OSBPL9: variants seen among roughly 807,000 people sequenced by gnomAD.
OSBPL9 encodes oxysterol binding protein like 9.
In OSBPL9, 40 loss-of-function variants were observed where a neutral mutation model predicts 106.6. That is an observed-to-expected ratio of 0.38 (90% confidence interval 0.29 to 0.49). The LOEUF is 0.49. Ranked by LOEUF, OSBPL9 falls within the 20% of genes least tolerant of loss-of-function variation. The probability of loss-of-function intolerance (pLI) is 0.97; values close to 1 mark genes in which losing one functional copy is unlikely to be tolerated. For synonymous variants in OSBPL9, 269 were observed against 295.4 expected, an observed-to-expected ratio of 0.91 and a Z score of 0.92; for missense variants, 609 against 887.2, an observed-to-expected ratio of 0.69 and a Z score of 3.98.
intron 15 of OSBPL9, among the ~76,000 whole-genome samples, chr1:51,780,366 G>A (rs545616114): frequency 6.6e-6 from 1 of 152,110 alleles, no homozygotes; most frequent in African/African-American, 2.4e-5. Flanking sequence ...CCCACTCCTG[G>A]GTATTTACTC....
At chr1:51,784,049 A>G (rs372338428) in intron 18 of OSBPL9, 24 bp downstream of exon 18, 21 of 1,558,762 alleles carry the variant, frequency 1.3e-5, no homozygotes, top group Non-Finnish European at 1.9e-5. Context: ...CATTGGGTGG[A>G]CTACAATGTT....
Position 51,785,843 on chromosome 1 carries a change from A to G in OSBPL9, c.1865A>G (p.Glu622Gly). 6.2e-7 allele frequency: 1 copy of G among 1,608,324 alleles called. No individual in the cohort carries two copies. Among genetic ancestry groups the G allele is most frequent in the Non-Finnish European group, 8.5e-7 (1 of 1,178,716 alleles). Residue 622 changes from glutamate (E) to glycine (G), a missense_variant, in exon 21 of 24, where the codon GAA (glutamate) becomes GGA (glycine). Around this residue, in one of 5 missense-constraint regions of OSBPL9, gnomAD observed 132 missense variants for 158.1 expected, o/e 0.83. Coordinates refer to ENST00000428468, the MANE Select transcript of OSBPL9 (RefSeq NM_024586.6). ...GACAAGAAGTCTTTTTGCTCAATTGAAGGGGAATGGAATGGTGTGATGTAT... is the reference window on the plus strand; with the variant it reads ...GACAAGAAGTCTTTTTGCTCAATTGGAGGGGAATGGAATGGTGTGATGTAT... The part of the protein sequence containing the change: ...PNDKKSFCSI[E>G]GEWNGVMYAK...
chr1:51,723,786 G>T (rs1662591109), intron 4 of OSBPL9, among the ~76,000 whole-genome samples: 1 of 152,110 alleles, frequency 6.6e-6, no homozygotes, highest in African/African-American at 2.4e-5. Flanking sequence ...TCTAAGTTTT[G>T]GCAATTATGA....
chr1:51,557,101 C>A, the OSBPL9 span, among the ~76,000 whole-genome samples: 1 of 151,672 alleles, frequency 6.6e-6, no homozygotes, highest in Non-Finnish European at 1.5e-5. Context: ...TACTGTGTAC[C>A]CACAAAAACT....
chr1:51,611,644 G>A (rs1643988678), intron 2 of OSBPL9, among the ~76,000 whole-genome samples: 1 of 152,152 alleles, frequency 6.6e-6, no homozygotes. Flanking sequence ...AACTTCCTAT[G>A]GAGAAACACA....
chr1:51,647,772 T>C (rs1206038372), intron 1 of OSBPL9, among the ~76,000 whole-genome samples: 3 of 152,176 alleles, frequency 2.0e-5, no homozygotes, highest in Admixed American at 1.3e-4. Context: ...CCCTTTTTTT[T>C]CCTTGGTCAG....
rs202075577 is a variant in OSBPL9, at chr1:51,705,376, CATATAT to C, written c.242-8608_242-8603del. 7.5e-3 allele frequency among the ~76,000 whole-genome samples: 314 copies of C among 41,662 alleles called. 4 individuals are homozygous for C. The highest frequency in any genetic ancestry group is 8.8e-3 in the Non-Finnish European group (224 of 25,466). The allele number at this position is 41,662 out of a possible 152,430, so 27.3% of individuals were successfully genotyped here. ...CTCTGTATGAGTATTTAGGGTGTTT[CATATAT>C]ATATATATATATATATATTTTTTTT... On this transcript the variant is annotated intron_variant, in intron 3 of 23. Coordinates refer to ENST00000428468, the MANE Select transcript of OSBPL9 (RefSeq NM_024586.6).
chr1:51,751,705 G>A (rs951207006), intron 8 of OSBPL9, among the ~76,000 whole-genome samples: 1 of 152,168 alleles, frequency 6.6e-6, no homozygotes, highest in Non-Finnish European at 1.5e-5. Context: ...TGGGGAAGCA[G>A]AGGAGCTGAT....
intron 1 of OSBPL9, among the ~76,000 whole-genome samples, chr1:51,627,951 A>G (rs1644867493): frequency 6.6e-6 from 1 of 152,138 alleles, no homozygotes; most frequent in Non-Finnish European, 1.5e-5. Context: ...ATTTGATGAC[A>G]CTGGTTACTC....
chr1:51,608,469 T>TA (rs1190340599), intron 2 of OSBPL9, among the ~76,000 whole-genome samples: 1 of 151,144 alleles, frequency 6.6e-6, no homozygotes, highest in African/African-American at 2.5e-5. Context: ...ATTTTTTTTT[T>TA]TTTTATTTTT....
At chr1:51,557,020 A>C in the OSBPL9 span, among the ~76,000 whole-genome samples, 1 of 151,968 alleles carries the variant, frequency 6.6e-6, no homozygotes, top group African/African-American at 2.4e-5. Flanking sequence ...TACCCCATTT[A>C]CCCTGATGTG....
chr1:51,624,209 G>T (rs773179011), intron 1 of OSBPL9, among the ~76,000 whole-genome samples: 3 of 152,048 alleles, frequency 2.0e-5, no homozygotes, highest in Non-Finnish European at 4.4e-5. Context: ...GAGCCACCTT[G>T]CCTGGCTATA....
intron 11 of OSBPL9, 36 bp downstream of exon 11, chr1:51,762,007 T>G: frequency 7.0e-7 from 1 of 1,437,880 alleles, no homozygotes; most frequent in Non-Finnish European, 9.8e-7. Flanking sequence ...GTCTCATAAC[T>G]CTATTAACAT....
chr1:51,679,416 A>G (rs746214756), intron 3 of OSBPL9, among the ~76,000 whole-genome samples: 9 of 152,226 alleles, frequency 5.9e-5, no homozygotes, highest in African/African-American at 7.2e-5. Context: ...TATAAAGATG[A>G]TACTAATAAT....
chr1:51,634,157 C>G (rs1445093619), intron 1 of OSBPL9, among the ~76,000 whole-genome samples: 1 of 152,066 alleles, frequency 6.6e-6, no homozygotes, highest in Non-Finnish European at 1.5e-5. Context: ...TTGTAGTGTT[C>G]TTCTTGTTCC....
chr1:51,744,641 C>T (rs1272960726), intron 4 of OSBPL9, among the ~76,000 whole-genome samples: 1 of 151,952 alleles, frequency 6.6e-6, no homozygotes, highest in Non-Finnish European at 1.5e-5. Flanking sequence ...TATATTTTAC[C>T]CATTTAGTGC....
the OSBPL9 span, among the ~76,000 whole-genome samples, chr1:51,533,400 C>T: frequency 2.7e-5 from 4 of 149,244 alleles, no homozygotes; most frequent in Non-Finnish European, 5.9e-5. Flanking sequence ...GCAGGAGAAT[C>T]ACTTGAATCC....
intron 1 of OSBPL9, among the ~76,000 whole-genome samples, chr1:51,588,379 T>A (rs1181964368): frequency 6.6e-6 from 1 of 151,096 alleles, no homozygotes; most frequent in Non-Finnish European, 1.5e-5. Context: ...CAAAACTCTG[T>A]CTCAAAAAAA....
intron 5 of OSBPL9, 66 bp from the exon 6 acceptor site, chr1:51,746,644 G>A: frequency 8.9e-7 from 1 of 1,127,720 alleles, no homozygotes; most frequent in Non-Finnish European, 1.3e-6. Flanking sequence ...GTTTTTCTGT[G>A]TTTAGTGAAT....
Sources: allele counts gnomAD v4.1 joint callset (sites outside exome capture counted in the v4.1 genomes callset), GRCh38; gene constraint gnomAD v4.1.1; regional missense constraint gnomAD v4.1.1; transcripts MANE v1.5; gene names NCBI Gene and HGNC (gene_info 2026-07-23, HGNC 2026-07-21).